CHD6: variants seen among roughly 807,000 people sequenced by gnomAD.
The protein encoded by CHD6 is chromodomain helicase DNA binding protein 6, also known as ATP-dependent chromatin remodeler CHD6.
A neutral mutation model predicts 276.9 loss-of-function variants in CHD6; 50 were observed. That is an observed-to-expected ratio of 0.18 (90% CI 0.14 to 0.23). The LOEUF (loss-of-function observed/expected upper bound fraction) is 0.23, where lower values mean the gene tolerates loss of function less well. Among genes scored for constraint, CHD6 ranks in the 10% least tolerant of loss-of-function variants. The pLI is 1.00. For synonymous variants in CHD6, 1,173 were observed against 1,229.3 expected (o/e 0.95, Z 0.96); for missense variants, 2,564 against 3,365.8 (o/e 0.76, Z 5.89).
intron 10 of CHD6, 59 bp from the exon 11 acceptor site, chr20:41,491,878 G>A: frequency 6.3e-7 from 1 of 1,577,888 alleles, no homozygotes; most frequent in Non-Finnish European, 8.7e-7. Flanking sequence ...AGCATAACAT[G>A]GATACTAACG....
chr20:41,452,016 C>T lies in CHD6; in HGVS notation c.3333G>A (p.Arg1111=). ...GGCCATGAGTCAGGATGTCCTTCCA[C>T]CGGCCCCAGCTGACAGTGGACATAC... ...EKNLLIFGWG[R]WKDILTHGRF... is the part of the protein sequence containing the mutation. Residue 1111 remains arginine, a synonymous_variant, in exon 22 of 37, where the codon CGG becomes CGA. Coordinates refer to ENST00000373233, the MANE Select transcript of CHD6 (RefSeq NM_032221.5). This position sits in a 1 kb window ranked among gnomAD's most constrained non-coding sequence, Gnocchi z 4.2. 6.2e-7 allele frequency: 1 copy of T among 1,613,892 alleles called. No individual in the cohort carries two copies. The highest frequency in any genetic ancestry group is 8.5e-7 in the Non-Finnish European group (1 of 1,179,850).
intron 1 of CHD6, among the ~76,000 whole-genome samples, chr20:41,604,584 T>C (rs965756215): frequency 1.3e-5 from 2 of 152,184 alleles, no homozygotes; most frequent in Non-Finnish European, 2.9e-5. Flanking sequence ...GTGACTCAAA[T>C]GGCCTTAATC....
At position 41,488,419 on chromosome 20, in the gene CHD6, A is replaced by C; in HGVS notation, c.1857+9T>G. 1.2e-6 allele frequency: 2 copies of C among 1,602,982 alleles called. No homozygotes were observed. The highest frequency in any genetic ancestry group is 2.2e-5 in the South Asian group (2 of 88,996). On this transcript the variant is annotated intron_variant, in intron 13 of 36. Coordinates refer to ENST00000373233, the MANE Select transcript of CHD6 (RefSeq NM_032221.5). ...ACCTGTGTTTATGTAAAGAGATGCT[A>C]ACTCTCACCAGGGCCATAAGCTTTA...
chr20:41,594,817 C>G (rs190112590), intron 1 of CHD6, among the ~76,000 whole-genome samples: 1 of 152,342 alleles, frequency 6.6e-6, no homozygotes, highest in Admixed American at 6.5e-5. Context: ...TCAGCTTAGA[C>G]TGTGTGGTCC....
intron 17 of CHD6, among the ~76,000 whole-genome samples, chr20:41,467,047 G>A (rs1600931383): frequency 6.6e-6 from 1 of 152,140 alleles, no homozygotes; most frequent in Admixed American, 6.5e-5. Context: ...CCGGGACTCC[G>A]ATGACACTAT....
intron 17 of CHD6, among the ~76,000 whole-genome samples, chr20:41,467,789 T>C (rs1394213094): frequency 1.3e-5 from 2 of 148,612 alleles, no homozygotes; most frequent in African/African-American, 5.0e-5. Context: ...AGGGGTGCTT[T>C]TGGGCAACAG....
Position 41,452,984 on chromosome 20 carries a change from T to C in CHD6, c.3121-42A>G. On this transcript the variant is annotated intron_variant, in intron 20 of 36. Transcript: ENST00000373233. The surrounding 1 kb of genome is among the most constrained non-coding windows in gnomAD (Gnocchi z 4.2). ...CTACTGGGAAGAAAGTCCTCTTTTC[T>C]CTACTCCTTTCACAAAGCATAAGTG... 6.8e-7 allele frequency: 1 copy of C among 1,466,748 alleles called. No individual in the cohort carries two copies. The highest frequency in any genetic ancestry group is 9.6e-7 in the Non-Finnish European group (1 of 1,046,896). The allele number at this position is 1,466,748 out of a possible 1,614,324, so 90.9% of individuals were successfully genotyped here.
intron 20 of CHD6, among the ~76,000 whole-genome samples, chr20:41,453,226 C>T (rs1025170535): frequency 5.9e-5 from 9 of 152,124 alleles, no homozygotes; most frequent in Admixed American, 5.9e-4. Context: ...AGGCAAGGCC[C>T]CCCCCCAGTG....
chr20:41,541,271 GGTTT>G (rs1224088622), intron 2 of CHD6, among the ~76,000 whole-genome samples: 1 of 152,114 alleles, frequency 6.6e-6, no homozygotes, highest in African/African-American at 2.4e-5. Context: ...CTTTATGATG[GGTTT>G]GTCAGGACAT....
At chr20:41,599,032 A>T (rs2045747459) in intron 1 of CHD6, among the ~76,000 whole-genome samples, 1 of 152,206 alleles carries the variant, frequency 6.6e-6, no homozygotes, top group Non-Finnish European at 1.5e-5. Context: ...AAAGCCCAAA[A>T]TCAAATAGCT....
At chr20:41,465,280 T>C (rs565636378) in intron 17 of CHD6, among the ~76,000 whole-genome samples, 3 of 152,318 alleles carry the variant, frequency 2.0e-5, no homozygotes, top group Non-Finnish European at 4.4e-5. Context: ...GTTAACCAAG[T>C]AATCAAAGTT....
chr20:41,565,541 CAGTG>C (rs1394796245), intron 1 of CHD6, among the ~76,000 whole-genome samples: 1 of 152,140 alleles, frequency 6.6e-6, no homozygotes, highest in Non-Finnish European at 1.5e-5. Flanking sequence ...GACTGAGTCA[CAGTG>C]AGAAAGAATC....
intron 1 of CHD6, among the ~76,000 whole-genome samples, chr20:41,615,543 T>C (rs1475404614): frequency 6.6e-6 from 1 of 152,232 alleles, no homozygotes; most frequent in Admixed American, 6.5e-5. Context: ...TCATTAAATA[T>C]GTATTAAAAA....
At chr20:41,605,084 T>C (rs1424508143) in intron 1 of CHD6, among the ~76,000 whole-genome samples, 1 of 152,174 alleles carries the variant, frequency 6.6e-6, no homozygotes, top group Non-Finnish European at 1.5e-5. Context: ...ATGTAAAGTA[T>C]TTATGGGTGA....
chr20:41,585,156 CTTA>C (rs1244073212), intron 1 of CHD6, among the ~76,000 whole-genome samples: 1 of 152,084 alleles, frequency 6.6e-6, no homozygotes, highest in Non-Finnish European at 1.5e-5. Flanking sequence ...TAAATTTGAA[CTTA>C]GATAAGTTGA....
At chr20:41,478,502 T>C (rs1248803909) in intron 16 of CHD6, among the ~76,000 whole-genome samples, 1 of 152,090 alleles carries the variant, frequency 6.6e-6, no homozygotes, top group African/African-American at 2.4e-5. Context: ...CAGCTGTAAT[T>C]GATAAAAGCT....
At chr20:41,584,831 T>C (rs1256646467) in intron 1 of CHD6, among the ~76,000 whole-genome samples, 2 of 152,120 alleles carry the variant, frequency 1.3e-5, no homozygotes, top group Non-Finnish European at 2.9e-5. Context: ...TTTATAGCAT[T>C]AAAGCTTGTA....
intron 27 of CHD6, among the ~76,000 whole-genome samples, chr20:41,429,847 G>A (rs1370165747): frequency 6.6e-6 from 1 of 152,202 alleles, no homozygotes; most frequent in Non-Finnish European, 1.5e-5. Flanking sequence ...GCTAAAGAGG[G>A]AACGCCACAC....
chr20:41,511,724 C>A (rs547756482), intron 5 of CHD6, among the ~76,000 whole-genome samples: 1 of 152,288 alleles, frequency 6.6e-6, no homozygotes, highest in South Asian at 2.1e-4. Flanking sequence ...TTTGTCATAT[C>A]ACAGCCTGCG....
Sources: allele counts gnomAD v4.1 joint callset (sites outside exome capture counted in the v4.1 genomes callset), GRCh38; gene constraint gnomAD v4.1.1; non-coding constraint Gnocchi (gnomAD v3.1); transcripts MANE v1.5; gene names NCBI Gene and HGNC (gene_info 2026-07-23, HGNC 2026-07-21).